HMGXB3: variants seen among roughly 807,000 people sequenced by gnomAD.
The protein encoded by HMGXB3 is HMG-box containing 3.
In HMGXB3, 45 loss-of-function variants were observed where a neutral mutation model predicts 121.5. The observed-to-expected ratio is 0.37, with a 90% CI of 0.29 to 0.47. HMGXB3 has a LOEUF of 0.47. Ranked by LOEUF, HMGXB3 falls within the 20% of genes least tolerant of loss-of-function variation. HMGXB3 has a pLI of 0.99. For synonymous variants in HMGXB3, 590 were observed against 624.1 expected, an observed-to-expected ratio of 0.95 and a Z score of 0.81; for missense variants, 1,376 against 1,602.2, an observed-to-expected ratio of 0.86 and a Z score of 2.41.
chr5:150,032,746 G>T, intron 11 of HMGXB3, 143 bp downstream of exon 11: 1 of 960,182 alleles, frequency 1.0e-6, no homozygotes, highest in Non-Finnish European at 1.5e-6. Context: ...TTCTGAACCT[G>T]AGCAAGTGCC....
At chr5:150,003,981 C>T (rs1755638890) in intron 1 of HMGXB3, among the ~76,000 whole-genome samples, 1 of 151,524 alleles carries the variant, frequency 6.6e-6, no homozygotes, top group Admixed American at 6.6e-5. Flanking sequence ...AAAACAAACC[C>T]TTTTCATTTG....
At position 150,026,838 on chromosome 5, in the gene HMGXB3, C is replaced by T; in HGVS notation, c.1593C>T (p.Ser531=). Residue 531 remains serine, a synonymous_variant, in exon 8 of 20, where the codon AGC becomes AGT. Coordinates refer to ENST00000502717, the MANE Select transcript of HMGXB3 (RefSeq NM_014983.3). ...LPAPVNVGRG[S]SMGLPRARQA... is the part of the protein sequence containing the mutation. Reference sequence around the variant, plus strand: ...CCCCAGTTAACGTGGGGCGAGGCAGCAGCATGGGACTGCCCAGGGCCAGGC... The same window carrying T: ...CCCCAGTTAACGTGGGGCGAGGCAGTAGCATGGGACTGCCCAGGGCCAGGC... The T allele has an allele frequency of 6.5e-7, 1 of 1,537,070 alleles. No homozygotes were observed. The highest frequency in any genetic ancestry group is 8.8e-7 in the Non-Finnish European group (1 of 1,140,418).
At position 150,016,340 on chromosome 5, in the gene HMGXB3, C is replaced by CA. The variant is rs34992392; in HGVS notation, c.910-2205dup. ...TGAGCAACAGAGTGAGACTCTGTCT[C>CA]AAAAAAAAAAAAAAAAAAAAAGGAG... On this transcript the variant is annotated intron_variant, in intron 5 of 19. Coordinates refer to ENST00000502717, the MANE Select transcript of HMGXB3 (RefSeq NM_014983.3). 5.8e-3 allele frequency among the ~76,000 whole-genome samples: 537 copies of CA among 92,414 alleles called. 5 individuals carry two copies. Among genetic ancestry groups the CA allele is most frequent in the Middle Eastern group, 0.016 (3 of 186 alleles). 60.6% of individuals were successfully genotyped at this position (92,414 alleles called of 152,430 possible).
At chr5:150,041,688 T>C (rs1756637465) in intron 14 of HMGXB3, 97 bp from the exon 15 acceptor site, 1 of 849,824 alleles carries the variant, frequency 1.2e-6, no homozygotes, top group South Asian at 1.7e-5. Flanking sequence ...GGTGAATCAG[T>C]CTGGCAGAAT....
intron 11 of HMGXB3, 35 bp from the exon 12 acceptor site, chr5:150,036,601 C>T: frequency 6.7e-7 from 1 of 1,489,360 alleles, no homozygotes. Context: ...TCTTTCTGCT[C>T]TGAGTGCTTG....
At chr5:150,050,193 A>T in intron 18 of HMGXB3, 59 bp from the exon 19 acceptor site, 1 of 1,397,064 alleles carries the variant, frequency 7.2e-7, no homozygotes, top group Non-Finnish European at 9.9e-7. Flanking sequence ...TGAGAACTGT[A>T]CACTCTCTGC....
At chr5:150,025,489 A>G (rs1756207027) in intron 7 of HMGXB3, among the ~76,000 whole-genome samples, 3 of 146,482 alleles carry the variant, frequency 2.0e-5, no homozygotes, top group South Asian at 2.1e-4. Context: ...GTGTGTGTGT[A>G]TATATATTTT....
intron 6 of HMGXB3, among the ~76,000 whole-genome samples, chr5:150,023,847 C>T (rs1176628508): frequency 6.6e-6 from 1 of 152,226 alleles, no homozygotes; most frequent in East Asian, 1.9e-4. Context: ...TTAACTGAAT[C>T]TCATAAAAGG....
chr5:150,032,348 T>C lies in HMGXB3; in HGVS notation c.1834-106T>C, dbSNP rs538379475. The C allele has an allele frequency of 4.8e-6, 5 of 1,046,308 alleles. No homozygotes were observed. In the East Asian group the frequency reaches 1.3e-4, roughly 27 times the overall value. The allele number at this position is 1,046,308 out of a possible 1,614,324, so 64.8% of individuals were successfully genotyped here. A position where few individuals can be genotyped will look rare whatever the true frequency, so the allele number is the denominator to read the frequency against. ...AGTTAGGCTGAATCTGGTTTGCAGT[T>C]GCCACTCTCTTCTCTGATTTACTGG... On this transcript the variant is annotated intron_variant, in intron 10 of 19. Transcript: ENST00000502717.
At chr5:150,046,942 G>A (rs911735383) in intron 16 of HMGXB3, among the ~76,000 whole-genome samples, 1 of 150,174 alleles carries the variant, frequency 6.7e-6, no homozygotes, top group Admixed American at 6.6e-5. Context: ...CTGGAGTGCA[G>A]TGTTGTGATC....
At chr5:150,023,000 T>C (rs1756138718) in intron 6 of HMGXB3, among the ~76,000 whole-genome samples, 1 of 147,576 alleles carries the variant, frequency 6.8e-6, no homozygotes, top group Non-Finnish European at 1.5e-5. Context: ...TTTTTTTTTT[T>C]TTTTTTTTTG....
intron 5 of HMGXB3, chr5:150,014,888 A>G (rs1210522697): frequency 1.4e-6 from 1 of 710,440 alleles, no homozygotes; most frequent in Non-Finnish European, 2.2e-6. Context: ...AGCTTCTGGA[A>G]CCAATGTTTC....
intron 18 of HMGXB3, among the ~76,000 whole-genome samples, chr5:150,048,950 G>A (rs373261150): frequency 1.3e-5 from 2 of 152,188 alleles, no homozygotes; most frequent in East Asian, 1.9e-4. Flanking sequence ...CAAAGATGTC[G>A]TTCCTCCCTA....
At chr5:150,005,879 G>T (rs1755690499) in intron 2 of HMGXB3, among the ~76,000 whole-genome samples, 1 of 152,192 alleles carries the variant, frequency 6.6e-6, no homozygotes. Context: ...TTCCCTGAGA[G>T]TGGAATGACA....
At chr5:150,015,125 T>C in intron 5 of HMGXB3, 2 of 343,482 alleles carry the variant, frequency 5.8e-6, no homozygotes, top group Non-Finnish European at 1.1e-5. Context: ...ATCCAGTCTG[T>C]GAACCAGCAG....
intron 10 of HMGXB3, 119 bp downstream of exon 10, chr5:150,030,958 G>A: frequency 1.5e-6 from 1 of 647,662 alleles, no homozygotes; most frequent in Non-Finnish European, 2.8e-6. Context: ...ACAGGGTCAG[G>A]TATAGATTGT....
rs549830203 is a variant in HMGXB3 at position 150,012,983 on chromosome 5, G to A, written c.909+630G>A. Reference sequence around the variant, plus strand: ...TTGCTTAACTCACTTATTAGTTCTGGTAACTTTTGTAGATGCTGTTGGGTT... The same window carrying A: ...TTGCTTAACTCACTTATTAGTTCTGATAACTTTTGTAGATGCTGTTGGGTT... On this transcript the variant is annotated intron_variant, in intron 5 of 19. Coordinates refer to ENST00000502717, the MANE Select transcript of HMGXB3 (RefSeq NM_014983.3). Among the ~76,000 whole-genome samples the A allele has an allele frequency of 2.2e-3, 340 of 152,314 alleles. 2 individuals are homozygous for A. Among genetic ancestry groups the A allele is most frequent in the African/African-American group, 7.9e-3 (330 of 41,578 alleles).
chr5:150,049,033 G>T (rs1756826207), intron 18 of HMGXB3, among the ~76,000 whole-genome samples: 1 of 152,212 alleles, frequency 6.6e-6, no homozygotes, highest in African/African-American at 2.4e-5. Context: ...AATTAGATAA[G>T]GGCCTAAGAT....
chr5:150,041,852 T>C lies in HMGXB3; in HGVS notation c.2613T>C (p.Phe871=). The C allele has an allele frequency of 6.4e-7, 1 of 1,551,770 alleles. No homozygotes were observed. The highest frequency in any genetic ancestry group is 8.7e-7 in the Non-Finnish European group (1 of 1,146,984). ...QELLCNGYWA[F]ECLTVRDYND... is the part of the protein sequence containing the mutation. ...TGCTGTGCAATGGCTATTGGGCCTT[T>C]GAGTGCCTCACTGTCCGAGACTACA... Residue 871 remains phenylalanine, a synonymous_variant, in exon 15 of 20, where the codon TTT becomes TTC. Coordinates refer to ENST00000502717, the MANE Select transcript of HMGXB3 (RefSeq NM_014983.3).
Sources: gnomAD v4.1 joint callset for allele counts (sites outside exome capture counted in the v4.1 genomes callset) on GRCh38, gnomAD v4.1.1 for gene constraint, MANE v1.5 for transcripts, NCBI Gene and HGNC (gene_info 2026-07-23, HGNC 2026-07-21) for gene names.